The following PRKCE variants were observed in gnomAD, a reference collection of about 807,000 sequenced individuals.
The protein encoded by PRKCE is protein kinase C epsilon type.
A neutral mutation model predicts 85.4 loss-of-function variants in PRKCE; 16 were observed. The ratio of observed to expected loss-of-function variants is 0.19; its 90% CI spans 0.13 to 0.28. PRKCE has a LOEUF of 0.28. PRKCE is among the 10% of genes least tolerant of loss of function. The pLI, the probability that PRKCE is intolerant of heterozygous loss-of-function variation, is 1.00. For synonymous variants in PRKCE, 388 were observed against 371.5 expected, an observed-to-expected ratio of 1.04 and a Z score of -0.51; for missense variants, 573 against 975.2, an observed-to-expected ratio of 0.59 and a Z score of 5.49.
At chr2:45,830,803 A>G (rs1291279582) in intron 1 of PRKCE, among the ~76,000 whole-genome samples, 1 of 152,336 alleles carries the variant, frequency 6.6e-6, no homozygotes, top group Admixed American at 6.5e-5. Context: ...AAGTTCTGAT[A>G]GATTATGATC....
At chr2:46,044,767 C>T (rs768133985) in intron 10 of PRKCE, among the ~76,000 whole-genome samples, 12 of 152,148 alleles carry the variant, frequency 7.9e-5, no homozygotes, top group Non-Finnish European at 1.6e-4. Flanking sequence ...AGGGAAAGTG[C>T]ACTGAGTTCC....
At chr2:46,064,917 T>C (rs1667484539) in intron 10 of PRKCE, among the ~76,000 whole-genome samples, 1 of 152,238 alleles carries the variant, frequency 6.6e-6, no homozygotes, top group Non-Finnish European at 1.5e-5. Flanking sequence ...GGCCCCATTG[T>C]TGCCAACACC....
At chr2:45,749,961 A>AGAACATATAT (rs1573193986) in intron 1 of PRKCE, among the ~76,000 whole-genome samples, 1 of 152,076 alleles carries the variant, frequency 6.6e-6, no homozygotes, top group East Asian at 1.9e-4. Context: ...TTTTGGGGGG[A>AGAACATATAT]GAACATATAT....
At chr2:46,031,191 C>G (rs186881938) in intron 10 of PRKCE, among the ~76,000 whole-genome samples, 14 of 152,256 alleles carry the variant, frequency 9.2e-5, no homozygotes, top group African/African-American at 2.6e-4. Context: ...CTTTTGTGAC[C>G]GTATTTTGAG....
At position 45,963,683 on chromosome 2, in the gene PRKCE, T is replaced by A. The variant is rs940007172; in HGVS notation, c.413-12746T>A. ...ATTCTTTCATTGCCTTTTATCTCCA[T>A]TTTATCTTCAGATTCCCTGAAATTC... On this transcript the variant is annotated intron_variant, in intron 2 of 14. Coordinates refer to ENST00000306156, the MANE Select transcript of PRKCE (RefSeq NM_005400.3). Among the ~76,000 whole-genome samples, 3 of 152,328 alleles carry A rather than the reference T, an allele frequency of 2.0e-5. No homozygotes were observed. The East Asian group carries it at 5.8e-4, about 29-fold the overall frequency.
intron 1 of PRKCE, among the ~76,000 whole-genome samples, chr2:45,722,359 A>AT (rs1372757873): frequency 1.3e-5 from 2 of 152,134 alleles, no homozygotes; most frequent in Non-Finnish European, 2.9e-5. Flanking sequence ...ATCACATGTC[A>AT]TGTAGCCTCT....
chr2:45,803,086 C>T (rs1366131994), intron 1 of PRKCE, among the ~76,000 whole-genome samples: 2 of 152,122 alleles, frequency 1.3e-5, no homozygotes, highest in Non-Finnish European at 2.9e-5. Context: ...GATTTCTAAA[C>T]AATATTCCAA....
chr2:46,177,545 G>T (rs893942921), intron 14 of PRKCE, among the ~76,000 whole-genome samples: 72 of 152,216 alleles, frequency 4.7e-4, no homozygotes, highest in African/African-American at 1.7e-3. Flanking sequence ...ATATGTCCCT[G>T]TGTCTCTTCC....
chr2:45,841,415 A>G (rs1691340593), intron 1 of PRKCE, among the ~76,000 whole-genome samples: 1 of 152,152 alleles, frequency 6.6e-6, no homozygotes, highest in Non-Finnish European at 1.5e-5. Context: ...AAGCTGAAAA[A>G]CTTGGGGTCT....
intron 2 of PRKCE, among the ~76,000 whole-genome samples, chr2:45,922,677 T>G (rs993105995): frequency 3.3e-5 from 5 of 152,190 alleles, no homozygotes; most frequent in Admixed American, 1.3e-4. Flanking sequence ...GCACTTACCA[T>G]GAGGCAAGAG....
chr2:45,758,652 A>G (rs1221099405), intron 1 of PRKCE, among the ~76,000 whole-genome samples: 1 of 152,190 alleles, frequency 6.6e-6, no homozygotes, highest in African/African-American at 2.4e-5. Context: ...TAACATAGGT[A>G]TGTATCTTTA....
At chr2:45,756,301 G>A (rs1683998558) in intron 1 of PRKCE, among the ~76,000 whole-genome samples, 1 of 152,234 alleles carries the variant, frequency 6.6e-6, no homozygotes, top group East Asian at 1.9e-4. Context: ...AGGATTAAGG[G>A]TATCCTGCTC....
At chr2:45,908,224 A>T (rs1048842165) in intron 2 of PRKCE, among the ~76,000 whole-genome samples, 2 of 152,126 alleles carry the variant, frequency 1.3e-5, no homozygotes, top group African/African-American at 2.4e-5. Flanking sequence ...GGCCCTATGG[A>T]TCTGCTTCTC....
At chr2:46,053,812 G>C (rs910769445) in intron 10 of PRKCE, among the ~76,000 whole-genome samples, 2 of 152,174 alleles carry the variant, frequency 1.3e-5, no homozygotes, top group African/African-American at 2.4e-5. Flanking sequence ...TGCGAGTAAT[G>C]CTGCTGTGAA....
At chr2:45,729,024 T>TCTTTTTCACTGCCCCA in intron 1 of PRKCE, among the ~76,000 whole-genome samples, 1 of 152,310 alleles carries the variant, frequency 6.6e-6, no homozygotes, top group Admixed American at 6.5e-5. Flanking sequence ...CCATCGTCTT[T>TCTTTTTCACTGCCCCA]CTTTTTCACT....
At chr2:45,687,965 T>A (rs1285695437) in intron 1 of PRKCE, among the ~76,000 whole-genome samples, 3 of 152,132 alleles carry the variant, frequency 2.0e-5, no homozygotes, top group Non-Finnish European at 4.4e-5. Flanking sequence ...GTCCTCAGAG[T>A]TGGAGCGTTA....
At chr2:45,980,258 T>A in intron 4 of PRKCE, 38 bp from the exon 5 acceptor site, 1 of 1,578,358 alleles carries the variant, frequency 6.3e-7, no homozygotes, top group Non-Finnish European at 8.6e-7. Context: ...CTCCCTTTCC[T>A]GAGTGTCATT....
intron 6 of PRKCE, among the ~76,000 whole-genome samples, chr2:45,994,273 T>A (rs1389501134): frequency 6.6e-6 from 1 of 152,158 alleles, no homozygotes; most frequent in Non-Finnish European, 1.5e-5. Context: ...TAACGGTCAG[T>A]GAACCTTCAT....
chr2:45,691,273 C>T lies in PRKCE; in HGVS notation c.348+38825C>T, dbSNP rs1315302084. ...TTTTGCCACCCTCAGATTTGATTTCCTCAGAGGAACAGGCTGGGTGCACCT... is the reference window on the plus strand; with the variant it reads ...TTTTGCCACCCTCAGATTTGATTTCTTCAGAGGAACAGGCTGGGTGCACCT... On this transcript the variant is annotated intron_variant, in intron 1 of 14. Coordinates refer to ENST00000306156, the MANE Select transcript of PRKCE (RefSeq NM_005400.3). 4.6e-5 allele frequency among the ~76,000 whole-genome samples: 7 copies of T among 152,268 alleles called. No homozygotes were observed. The South Asian group carries it at 1.2e-3, about 27-fold the overall frequency.
Sources: gnomAD v4.1 joint callset for allele counts (sites outside exome capture counted in the v4.1 genomes callset) on GRCh38, gnomAD v4.1.1 for gene constraint, MANE v1.5 for transcripts, NCBI Gene and HGNC (gene_info 2026-07-23, HGNC 2026-07-21) for gene names.